Variants in MYO9A observed in about 807,000 individuals in gnomAD.
MYO9A encodes unconventional myosin-IXa.
In MYO9A, 103 loss-of-function variants were observed where a neutral mutation model predicts 293.3. That is an observed-to-expected ratio of 0.35 (90% confidence interval 0.30 to 0.41). MYO9A has a LOEUF of 0.41. MYO9A is among the 10% of genes least tolerant of loss of function. The pLI is 1.00. For missense variants in MYO9A, 2,685 were observed against 3,033.0 expected (o/e 0.89, Z 2.69); for synonymous variants, 1,001 against 1,035.7 (o/e 0.97, Z 0.64).
At position 72,046,286 on chromosome 15, in the gene MYO9A, G is replaced by A; in HGVS notation, c.278C>T (p.Ala93Val). 1 of 1,614,116 alleles carries A rather than the reference G, an allele frequency of 6.2e-7. No individual in the cohort carries two copies. Among genetic ancestry groups the A allele is most frequent in the Middle Eastern group, 1.6e-4 (1 of 6,062 alleles). The part of the protein sequence containing the change: ...VQRMMLWPRM[A>V]LENRLSGEDY... ...CTCTCCACTTAAGCGATTTTCCAGA[G>A]CCATTCGGGGCCACAGCATCATTCG... Residue 93 changes from alanine (A) to valine (V), a missense_variant, in exon 2 of 42, where the codon GCT becomes GTT. Ala to Val is a moderately conservative substitution (Grantham distance 64, BLOSUM62 0). Around this residue, in one of 10 missense-constraint regions of MYO9A, gnomAD observed 63 missense variants for 57.9 expected, o/e 1.09. Coordinates refer to ENST00000356056, the MANE Select transcript of MYO9A (RefSeq NM_006901.4).
In MYO9A at chr15:71,861,709, G is replaced by C. The variant is rs537297834; in HGVS notation, c.6091+791C>G. Among the ~76,000 whole-genome samples, 3 of 137,332 alleles carry C rather than the reference G, an allele frequency of 2.2e-5. No individual in the cohort carries two copies. In the East Asian group the frequency reaches 6.3e-4, roughly 29 times the overall value. 90.1% of individuals were successfully genotyped at this position (137,332 alleles called of 152,430 possible). ...AAAAAAAAAAAAAAAAAACAAATAAGTTTCCTGACCTATAGAGCATATATT... is the reference window on the plus strand; with the variant it reads ...AAAAAAAAAAAAAAAAAACAAATAACTTTCCTGACCTATAGAGCATATATT... On this transcript the variant is annotated intron_variant, in intron 33 of 41. Transcript: ENST00000356056.
intron 1 of MYO9A, among the ~76,000 whole-genome samples, chr15:72,053,514 A>G (rs2149824856): frequency 6.6e-6 from 1 of 152,362 alleles, no homozygotes; most frequent in Admixed American, 6.5e-5. Context: ...TTATAGCAAT[A>G]TGGATGGAGC....
At chr15:71,839,959 G>C (rs2055085401) in intron 39 of MYO9A, among the ~76,000 whole-genome samples, 1 of 152,064 alleles carries the variant, frequency 6.6e-6, no homozygotes, top group South Asian at 2.1e-4. Flanking sequence ...CTCTTTCCTT[G>C]TCTGTGTAAG....
chr15:71,899,173 G>T, intron 24 of MYO9A, 141 bp from the exon 25 acceptor site: 1 of 749,954 alleles, frequency 1.3e-6, no homozygotes, highest in Non-Finnish European at 2.1e-6. Flanking sequence ...TAACTTGAAT[G>T]CACATTTCAT....
chr15:71,933,776 G>T, intron 17 of MYO9A, 67 bp from the exon 18 acceptor site: 3 of 1,344,512 alleles, frequency 2.2e-6, no homozygotes, highest in South Asian at 1.3e-5. Flanking sequence ...CTACTGTAGA[G>T]AAGAAAGATT....
intron 41 of MYO9A, 67 bp from the exon 42 acceptor site, chr15:71,827,110 A>ACAGTGGCATCTATTCAT: frequency 2.5e-6 from 3 of 1,206,176 alleles, no homozygotes; most frequent in Non-Finnish European, 3.5e-6. Context: ...CATATAATGA[A>ACAGTGGCATCTATTCAT]TAGATGCCAC....
Position 72,010,421 on chromosome 15 carries a change from ATCT to A in MYO9A, c.1179_1181del (p.Glu393del). On this transcript the variant is annotated inframe_deletion, in exon 7 of 42. Transcript: ENST00000356056. ...GTAGGCGCTCAAAGTCATGTCTCAAATCTTCTCCTTCCACCGTGAAGCAATCCT... is the reference window on the plus strand; with the variant it reads ...GTAGGCGCTCAAAGTCATGTCTCAAATCTCCTTCCACCGTGAAGCAATCCT... The A allele has an allele frequency of 3.7e-6, 6 of 1,613,430 alleles. No homozygotes were observed. The highest frequency in any genetic ancestry group is 5.1e-6 in the Non-Finnish European group (6 of 1,179,588).
intron 1 of MYO9A, among the ~76,000 whole-genome samples, chr15:72,072,609 A>G (rs916117122): frequency 2.9e-4 from 44 of 152,236 alleles, no homozygotes; most frequent in Non-Finnish European, 5.3e-4. Flanking sequence ...TTGCAGCAAT[A>G]TGAATGCAGC....
chr15:71,956,324 A>AT (rs1463623990), intron 14 of MYO9A, among the ~76,000 whole-genome samples: 5 of 11,196 alleles, frequency 4.5e-4, no homozygotes, highest in African/African-American at 8.2e-4. Context: ...AAAAAAAAAA[A>AT]AAAAAAATAT....
intron 39 of MYO9A, among the ~76,000 whole-genome samples, chr15:71,837,492 A>C (rs1396630487): frequency 6.6e-6 from 1 of 152,116 alleles, no homozygotes; most frequent in African/African-American, 2.4e-5. Context: ...TAAAAGCCTC[A>C]AGGAGCTTGA....
At chr15:71,920,628 T>C (rs2058132072) in intron 18 of MYO9A, among the ~76,000 whole-genome samples, 1 of 152,146 alleles carries the variant, frequency 6.6e-6, no homozygotes, top group African/African-American at 2.4e-5. Context: ...TCTCATGTTA[T>C]TAAAAAGGAC....
intron 1 of MYO9A, among the ~76,000 whole-genome samples, chr15:72,098,802 C>G (rs913588264): frequency 6.6e-6 from 1 of 151,770 alleles, no homozygotes; most frequent in Admixed American, 6.6e-5. Context: ...TGAGACCACA[C>G]CCCCATCTCA....
At position 71,898,846 on chromosome 15, in the gene MYO9A, G is replaced by A; in HGVS notation, c.3657C>T (p.Ser1219=). The change falls in exon 25 of 42, where the codon AGC becomes AGT. Residue 1219 remains serine, a synonymous_variant. Transcript: ENST00000356056. Reference sequence around the variant, plus strand: ...TCAAGCAGTCCACTGAACTTTCACGGCTAATTCGATTACTCTCTATTACAG... The same window carrying A: ...TCAAGCAGTCCACTGAACTTTCACGACTAATTCGATTACTCTCTATTACAG... The part of the protein sequence containing the change: ...CKSVIESNRI[S]RESSVDCLKE... The A allele has an allele frequency of 6.2e-7, 1 of 1,614,026 alleles. No homozygotes were observed. The highest frequency in any genetic ancestry group is 8.5e-7 in the Non-Finnish European group (1 of 1,180,018).
intron 1 of MYO9A, among the ~76,000 whole-genome samples, chr15:72,074,981 T>TTTTTTAG (rs2079304591): frequency 7.5e-6 from 1 of 134,020 alleles, no homozygotes; most frequent in African/African-American, 2.7e-5. Flanking sequence ...TTTTTTTTCT[T>TTTTTTAG]GAGACAGAGT....
At position 71,897,803 on chromosome 15, in the gene MYO9A, T is replaced by C. The variant is rs372072519; in HGVS notation, c.4700A>G (p.Asn1567Ser). Reference protein sequence around the residue: ...PSSLLSLNTSNKGELNVLGSL... With the variant: ...PSSLLSLNTSSKGELNVLGSL... Reference sequence around the variant, plus strand: ...CCCCAGTACATTAAGTTCTCCCTTATTTGAGGTATTTAAGCTGAGGAGAGA... The same window carrying C: ...CCCCAGTACATTAAGTTCTCCCTTACTTGAGGTATTTAAGCTGAGGAGAGA... Residue 1567 changes from asparagine to serine, a missense_variant, in exon 25 of 42, where the codon AAT becomes AGT. This residue lies in a region of MYO9A where 1,434 missense variants were observed against 1,497.7 expected (regional missense o/e 0.96). Transcript: ENST00000356056. 121 of 1,614,048 alleles carry C rather than the reference T, an allele frequency of 7.5e-5. 1 individual carries two copies. Among genetic ancestry groups the C allele is most frequent in the South Asian group, 8.8e-5 (8 of 91,076 alleles).
chr15:71,916,297 G>C, intron 19 of MYO9A, 73 bp downstream of exon 19: 1 of 1,522,748 alleles, frequency 6.6e-7, no homozygotes, highest in East Asian at 2.3e-5. Context: ...GTACCCTGCA[G>C]ATCACTTTAA....
At chr15:71,863,104 AT>A in intron 32 of MYO9A, among the ~76,000 whole-genome samples, 1 of 150,274 alleles carries the variant, frequency 6.7e-6, no homozygotes, top group Admixed American at 6.6e-5. Context: ...TTTTGTATAT[AT>A]TTTTTTTTAC....
At chr15:71,968,297 TAATA>T (rs2075927947) in intron 12 of MYO9A, among the ~76,000 whole-genome samples, 172 bp from the exon 13 acceptor site, 1 of 152,152 alleles carries the variant, frequency 6.6e-6, no homozygotes, top group Non-Finnish European at 1.5e-5. Flanking sequence ...TAAAAAGTAA[TAATA>T]AATATTGGTG....
chr15:71,892,509 C>A (rs2057207036), intron 26 of MYO9A: 1 of 153,102 alleles, frequency 6.5e-6, no homozygotes, highest in African/African-American at 2.4e-5. Flanking sequence ...CAAATACAAT[C>A]CACTGTCTGT....
Sources: gnomAD v4.1 joint callset for allele counts (sites outside exome capture counted in the v4.1 genomes callset) on GRCh38, gnomAD v4.1.1 for gene constraint, gnomAD v4.1.1 regional missense constraint, MANE v1.5 for transcripts, NCBI Gene and HGNC (gene_info 2026-07-23, HGNC 2026-07-21) for gene names.